Variants in C6orf58 observed in about 807,000 individuals in gnomAD.
The protein encoded by C6orf58 is protein LEG1 homolog.
A neutral mutation model predicts 37.0 loss-of-function variants in C6orf58; 30 were observed. That is an observed-to-expected ratio of 0.81 (90% CI 0.61 to 1.10). The LOEUF (loss-of-function observed/expected upper bound fraction) is 1.10, where lower values mean the gene tolerates loss of function less well. Ranked by LOEUF, C6orf58 falls within the 50% of genes least tolerant of loss-of-function variation. The probability of loss-of-function intolerance (pLI) is 0.00; values close to 1 mark genes in which losing one functional copy is unlikely to be tolerated. For missense variants in C6orf58, 368 were observed against 387.5 expected, an observed-to-expected ratio of 0.95 and a Z score of 0.42; for synonymous variants, 143 against 134.1, an observed-to-expected ratio of 1.07 and a Z score of -0.46.
At chr6:127,583,563 A>C (rs972257951) in intron 4 of C6orf58, among the ~76,000 whole-genome samples, 23 of 152,164 alleles carry the variant, frequency 1.5e-4, no homozygotes, top group African/African-American at 5.5e-4. Flanking sequence ...ATGGGTGTAC[A>C]GTCCCAGGGG....
chr6:127,586,254 A>G (rs529332594), intron 4 of C6orf58, among the ~76,000 whole-genome samples: 1 of 152,176 alleles, frequency 6.6e-6, no homozygotes, highest in African/African-American at 2.4e-5. Context: ...ACAGACTTTC[A>G]GTCAGGCACA....
At chr6:127,588,420 G>T (rs1775127450) in intron 4 of C6orf58, among the ~76,000 whole-genome samples, 1 of 152,078 alleles carries the variant, frequency 6.6e-6, no homozygotes, top group Non-Finnish European at 1.5e-5. Flanking sequence ...ACAATCTATT[G>T]CATGCTGTGA....
chr6:127,585,798 A>G (rs1030282650), intron 4 of C6orf58, among the ~76,000 whole-genome samples: 5 of 152,260 alleles, frequency 3.3e-5, no homozygotes, highest in African/African-American at 7.2e-5. Flanking sequence ...TTTTTTCACA[A>G]GATTTATCTT....
rs1775046584 is a variant in C6orf58, at chr6:127,581,224, T to A, written c.616T>A (p.Tyr206Asn). ...PFSKFDDLLK[Y>N]LWAAHTSTLA... Reference sequence around the variant, plus strand: ...TAGTAAGTTTGATGATCTGTTGAAGTACTTATGGGCTGCACACACTTCAAC... The same window carrying A: ...TAGTAAGTTTGATGATCTGTTGAAGAACTTATGGGCTGCACACACTTCAAC... Residue 206 changes from tyrosine to asparagine, a missense_variant, in exon 4 of 6, where the codon TAC becomes AAC. Physicochemically the swap from Tyr to Asn is moderately radical, Grantham distance 143. Transcript: ENST00000329722. 6.5e-7 allele frequency: 1 copy of A among 1,541,718 alleles called. No individual in the cohort carries two copies. The highest frequency in any genetic ancestry group is 1.4e-5 in the African/African-American group (1 of 72,478).
At position 127,582,622 on chromosome 6, in the gene C6orf58, C is replaced by T. The variant is rs918329239; in HGVS notation, c.674+1340C>T. ...CAGCTGTAGTAACTAATGTATGAGACGTATTTCTAAGCATAACCTCCTTTA... is the reference window on the plus strand; with the variant it reads ...CAGCTGTAGTAACTAATGTATGAGATGTATTTCTAAGCATAACCTCCTTTA... On this transcript the variant is annotated intron_variant, in intron 4 of 5. Coordinates refer to ENST00000329722, the MANE Select transcript of C6orf58 (RefSeq NM_001010905.3). Among the ~76,000 whole-genome samples, 7 of 152,116 alleles carry T rather than the reference C, an allele frequency of 4.6e-5. No individual in the cohort carries two copies. The East Asian group carries it at 7.7e-4, about 17-fold the overall frequency.
chr6:127,579,038 G>C (rs2114289530), intron 2 of C6orf58, among the ~76,000 whole-genome samples: 1 of 152,238 alleles, frequency 6.6e-6, no homozygotes, highest in East Asian at 1.9e-4. Context: ...TGAGGGGCCA[G>C]CTCTGGTAGT....
chr6:127,580,239 T>C lies in C6orf58; in HGVS notation c.389-26T>C, dbSNP rs751680821. 4 of 1,559,840 alleles carry C rather than the reference T, an allele frequency of 2.6e-6. No homozygotes were observed. The Admixed American group carries it at 6.8e-5, about 27-fold the overall frequency. ...CTTTGAAATTTGTTAGTGCTTGTAGTAATAGTAAATCTTTTGTTCTTACAG... is the reference window on the plus strand; with the variant it reads ...CTTTGAAATTTGTTAGTGCTTGTAGCAATAGTAAATCTTTTGTTCTTACAG... On this transcript the variant is annotated intron_variant, in intron 2 of 5. Transcript: ENST00000329722.
At position 127,590,073 on chromosome 6, in the gene C6orf58, C is replaced by T. The variant is rs751436936; in HGVS notation, c.675-14C>T. On this transcript the variant is annotated splice_polypyrimidine_tract_variant and intron_variant, in intron 4 of 5. Transcript: ENST00000329722. Reference sequence around the variant, plus strand: ...GACTAATTATAATTAAATACTTTTCCGTTTGTCTTTTAGATATGATTATTA... The same window carrying T: ...GACTAATTATAATTAAATACTTTTCTGTTTGTCTTTTAGATATGATTATTA... 33 of 1,563,094 alleles carry T rather than the reference C, an allele frequency of 2.1e-5. No individual in the cohort carries two copies. The East Asian group carries it at 2.5e-4, about 12-fold the overall frequency.
intron 4 of C6orf58, 54 bp from the exon 5 acceptor site, chr6:127,590,033 T>C: frequency 8.0e-7 from 1 of 1,243,274 alleles, no homozygotes; most frequent in Non-Finnish European, 1.2e-6. Flanking sequence ...GGCAATGAGC[T>C]TGAACTTCTG....
In C6orf58 at chr6:127,577,502, G is replaced by A; in HGVS notation, c.301+16G>A. The A allele has an allele frequency of 1.2e-6, 2 of 1,609,140 alleles. No individual in the cohort carries two copies. Among genetic ancestry groups the A allele is most frequent in the East Asian group, 2.2e-5 (1 of 44,830 alleles). ...TATAGGACAGGTAAGAATGACTCTTGTTTTCATTGTAATGATCTACCGATA... is the reference window on the plus strand; with the variant it reads ...TATAGGACAGGTAAGAATGACTCTTATTTTCATTGTAATGATCTACCGATA... On this transcript the variant is annotated intron_variant, in intron 1 of 5. Transcript: ENST00000329722.
chr6:127,591,450 G>A, intron 5 of C6orf58, 93 bp from the exon 6 acceptor site: 3 of 1,099,460 alleles, frequency 2.7e-6, no homozygotes, highest in Non-Finnish European at 3.7e-6. Flanking sequence ...TTAGTAGAAA[G>A]GAAATGAAAT....
chr6:127,584,912 A>G (rs950170466), intron 4 of C6orf58, among the ~76,000 whole-genome samples: 2 of 152,128 alleles, frequency 1.3e-5, no homozygotes, highest in African/African-American at 4.8e-5. Flanking sequence ...TATCTAAACA[A>G]TTTCAGTTCT....
At chr6:127,582,607 A>T (rs1176921267) in intron 4 of C6orf58, among the ~76,000 whole-genome samples, 1 of 152,200 alleles carries the variant, frequency 6.6e-6, no homozygotes, top group Non-Finnish European at 1.5e-5. Context: ...CAGCTGTAGT[A>T]ACTAATGTAT....
At chr6:127,588,960 C>A (rs1038230674) in intron 4 of C6orf58, among the ~76,000 whole-genome samples, 4 of 152,132 alleles carry the variant, frequency 2.6e-5, no homozygotes, top group African/African-American at 9.7e-5. Flanking sequence ...GCCCACCCTA[C>A]CACTTCCAAG....
At position 127,590,346 on chromosome 6, in the gene C6orf58, C is replaced by T. The variant is rs904028463; in HGVS notation, c.913+21C>T. 4.2e-6 allele frequency: 6 copies of T among 1,440,612 alleles called. No individual in the cohort carries two copies. The Admixed American group carries it at 8.7e-5, about 21-fold the overall frequency. 89.2% of individuals were successfully genotyped at this position (1,440,612 alleles called of 1,614,324 possible). On this transcript the variant is annotated intron_variant, in intron 5 of 5. Transcript: ENST00000329722. ...TATAGGTAAGAACCTTAAAAGGATA[C>T]TTTTAAAAATCAGTATTATGTTGAA... is the stretch of plus-strand genomic sequence containing the variant.
intron 4 of C6orf58, among the ~76,000 whole-genome samples, chr6:127,585,273 C>T (rs761334847): frequency 8.6e-5 from 13 of 152,036 alleles, no homozygotes; most frequent in East Asian, 1.9e-4. Flanking sequence ...TCTGCAAAGC[C>T]CCAAAATTAA....
At chr6:127,590,426 A>G in intron 5 of C6orf58, 101 bp downstream of exon 5, 1 of 742,724 alleles carries the variant, frequency 1.3e-6, no homozygotes, top group Non-Finnish European at 2.2e-6. Flanking sequence ...ACAGCACTCC[A>G]AAAATAAAGA....
At chr6:127,590,448 G>A in intron 5 of C6orf58, 123 bp downstream of exon 5, 5 of 661,556 alleles carry the variant, frequency 7.6e-6, no homozygotes, top group Non-Finnish European at 1.3e-5. Flanking sequence ...TTCCCTGTGG[G>A]TATCCATTCT....
intron 4 of C6orf58, among the ~76,000 whole-genome samples, chr6:127,583,313 T>G (rs546418666): frequency 1.3e-5 from 2 of 152,282 alleles, no homozygotes; most frequent in South Asian, 4.1e-4. Context: ...ACATGACATA[T>G]GCAATACTCA....
Sources: allele counts gnomAD v4.1 joint callset (sites outside exome capture counted in the v4.1 genomes callset), GRCh38; gene constraint gnomAD v4.1.1; transcripts MANE v1.5; gene names NCBI Gene and HGNC (gene_info 2026-07-23, HGNC 2026-07-21).